Variants in SPTLC1 observed in about 807,000 individuals in gnomAD.
SPTLC1 encodes the protein serine palmitoyltransferase 1.
SPTLC1 carries 55 observed loss-of-function variants against 68.9 expected under a neutral mutation model. The observed-to-expected ratio is 0.80, with a 90% CI of 0.64 to 1.00. The LOEUF (loss-of-function observed/expected upper bound fraction) is 1.00. SPTLC1 is among the 50% of genes least tolerant of loss of function. The pLI is 0.00. For missense variants in SPTLC1, 449 were observed against 573.1 expected, an observed-to-expected ratio of 0.78 and a Z score of 2.21; for synonymous variants, 197 against 201.6, an observed-to-expected ratio of 0.98 and a Z score of 0.19.
chr9:92,045,475 C>T (rs1442855988), intron 12 of SPTLC1, among the ~76,000 whole-genome samples: 4 of 117,342 alleles, frequency 3.4e-5, no homozygotes, highest in Non-Finnish European at 6.5e-5. Context: ...TGCATATGTA[C>T]CCTAAAACTT....
chr9:92,085,817 G>T (rs1323527483), intron 3 of SPTLC1, among the ~76,000 whole-genome samples: 1 of 151,892 alleles, frequency 6.6e-6, no homozygotes, highest in East Asian at 1.9e-4. Flanking sequence ...CTGTCTCGTT[G>T]ATCTGTCTAA....
At chr9:92,114,326 C>A (rs575718194) in intron 1 of SPTLC1, among the ~76,000 whole-genome samples, 105 of 152,274 alleles carry the variant, frequency 6.9e-4, no homozygotes, top group Middle Eastern at 3.4e-3. Flanking sequence ...CTCTGCAAGA[C>A]AGCACGGGGA....
chr9:92,085,092 C>CTTTATCA (rs1835060460), intron 3 of SPTLC1, among the ~76,000 whole-genome samples: 1 of 151,250 alleles, frequency 6.6e-6, no homozygotes, highest in Non-Finnish European at 1.5e-5. Context: ...GTGATATCCC[C>CTTTATCA]TTTATCATTT....
At chr9:92,036,951 A>G (rs1406939451) in intron 13 of SPTLC1, among the ~76,000 whole-genome samples, 3 of 152,186 alleles carry the variant, frequency 2.0e-5, no homozygotes, top group Non-Finnish European at 4.4e-5. Flanking sequence ...ACCTCACAAG[A>G]TAAGTAGCTC....
At position 92,080,780 on chromosome 9, in the gene SPTLC1, T is replaced by C. The variant is rs540832195; in HGVS notation, c.354+90A>G. On this transcript the variant is annotated intron_variant, in intron 4 of 14. Transcript: ENST00000262554. ...GTCTTAAACTCCTGACCTGAAGTGA[T>C]CCACCACGCCCAGCCTGCCTTTGTC... 4.9e-5 allele frequency: 50 copies of C among 1,030,498 alleles called. No homozygotes were observed. The South Asian group carries it at 6.4e-4, about 13-fold the overall frequency. The allele number at this position is 1,030,498 out of a possible 1,614,324, so 63.8% of individuals were successfully genotyped here.
chr9:92,104,218 A>AT (rs1414765313), intron 3 of SPTLC1, among the ~76,000 whole-genome samples: 1 of 152,112 alleles, frequency 6.6e-6, no homozygotes, highest in African/African-American at 2.4e-5. Context: ...CTCACTAAGC[A>AT]TATTTTGTTC....
At chr9:92,063,284 C>T (rs1186482183) in intron 6 of SPTLC1, among the ~76,000 whole-genome samples, 5 of 152,046 alleles carry the variant, frequency 3.3e-5, no homozygotes, top group Admixed American at 2.6e-4. Flanking sequence ...TGGACCAATT[C>T]CTTGAAAAAC....
chr9:92,082,179 G>A (rs1834909272), intron 3 of SPTLC1, among the ~76,000 whole-genome samples: 1 of 152,020 alleles, frequency 6.6e-6, no homozygotes, highest in African/African-American at 2.4e-5. Context: ...GCTCATAAGA[G>A]GTGCTCTCCA....
rs984992657 is a variant in SPTLC1 at position 92,081,019 on chromosome 9, A to G, written c.261-56T>C. ...TTACACATTCATGTTACATGCTATC[A>G]TATTACCTTGGTGGTAGGCACAACA... On this transcript the variant is annotated intron_variant, in intron 3 of 14. Coordinates refer to ENST00000262554, the MANE Select transcript of SPTLC1 (RefSeq NM_006415.4). The G allele has an allele frequency of 1.1e-5, 15 of 1,337,740 alleles. No individual in the cohort carries two copies. The African/African-American group carries it at 2.0e-4, about 18-fold the overall frequency. The allele number at this position is 1,337,740 out of a possible 1,614,324, so 82.9% of individuals were successfully genotyped here. A position where few individuals can be genotyped will look rare whatever the true frequency, so the allele number is the denominator to read the frequency against.
chr9:92,051,608 C>A (rs1372383573), intron 8 of SPTLC1, among the ~76,000 whole-genome samples: 1 of 152,144 alleles, frequency 6.6e-6, no homozygotes, highest in Admixed American at 6.5e-5. Context: ...ACACTGTAGT[C>A]GAGGTCCTAG....
intron 13 of SPTLC1, among the ~76,000 whole-genome samples, chr9:92,037,420 C>A (rs1244188400): frequency 5.9e-5 from 9 of 152,238 alleles, no homozygotes. Flanking sequence ...CAGCAGCCCA[C>A]ATAAAAGTCC....
chr9:92,105,221 C>A (rs2118807690), intron 3 of SPTLC1: 2 of 1,534,200 alleles, frequency 1.3e-6, no homozygotes, highest in East Asian at 2.4e-5. Context: ...CCCTCCCCTG[C>A]AACTGAGGTG....
At chr9:92,111,689 A>G (rs10119983) in intron 2 of SPTLC1, 17,946 of 152,010 alleles carry the variant, frequency 0.12, 2,409 homozygotes, top group African/African-American at 0.33. Context: ...ATCACTTATC[A>G]CTCATTCCTC....
At chr9:92,044,371 A>C (rs1244835066) in intron 12 of SPTLC1, among the ~76,000 whole-genome samples, 18 of 152,244 alleles carry the variant, frequency 1.2e-4, no homozygotes. Context: ...AAAGAAGGAA[A>C]GAGTGGTCAC....
chr9:92,105,076 G>C (rs1307241181), intron 3 of SPTLC1: 2 of 1,532,664 alleles, frequency 1.3e-6, no homozygotes, highest in African/African-American at 2.7e-5. Context: ...CTCCAGGCTT[G>C]CTGATGGTGG....
At chr9:92,087,423 T>C (rs1408364776) in intron 3 of SPTLC1, among the ~76,000 whole-genome samples, 1 of 152,212 alleles carries the variant, frequency 6.6e-6, no homozygotes, top group Non-Finnish European at 1.5e-5. Flanking sequence ...GGGTTTTTGG[T>C]GTGCATGTCC....
intron 5 of SPTLC1, among the ~76,000 whole-genome samples, chr9:92,071,236 A>G (rs1246733109): frequency 1.3e-5 from 2 of 151,486 alleles, no homozygotes; most frequent in Non-Finnish European, 1.5e-5. Flanking sequence ...CTAAAAAAAA[A>G]AAAAAAAAAA....
intron 5 of SPTLC1, among the ~76,000 whole-genome samples, chr9:92,077,914 T>C (rs1044521952): frequency 1.3e-5 from 2 of 152,118 alleles, no homozygotes; most frequent in Non-Finnish European, 2.9e-5. Context: ...TGCCACCCTC[T>C]ACCCCTCCAT....
intron 12 of SPTLC1, among the ~76,000 whole-genome samples, chr9:92,040,819 G>A (rs1833324247): frequency 6.6e-6 from 1 of 151,826 alleles, no homozygotes; most frequent in East Asian, 1.9e-4. Flanking sequence ...TCTAACTTGT[G>A]CTTTTTGATC....
Sources: gnomAD v4.1 joint callset for allele counts (sites outside exome capture counted in the v4.1 genomes callset) on GRCh38, gnomAD v4.1.1 for gene constraint, MANE v1.5 for transcripts, NCBI Gene and HGNC (gene_info 2026-07-23, HGNC 2026-07-21) for gene names.